Variants in RAD54L2 observed in about 807,000 individuals in gnomAD.
RAD54L2 encodes helicase ARIP4.
RAD54L2 carries 27 observed loss-of-function variants against 138.4 expected under a neutral mutation model. The observed-to-expected ratio is 0.20, with a 90% confidence interval of 0.14 to 0.27. RAD54L2 has a LOEUF of 0.27. RAD54L2 is among the 10% of genes least tolerant of loss of function. RAD54L2 has a pLI of 1.00. For missense variants in RAD54L2, 1,396 were observed against 1,890.2 expected, an observed-to-expected ratio of 0.74 and a Z score of 4.85; for synonymous variants, 644 against 723.2, an observed-to-expected ratio of 0.89 and a Z score of 1.76.
intron 2 of RAD54L2, among the ~76,000 whole-genome samples, chr3:51,566,814 G>A (rs1222680281): frequency 1.3e-5 from 2 of 152,054 alleles, no homozygotes; most frequent in African/African-American, 2.4e-5. Context: ...TGTATCATTT[G>A]CCTAGGACCA....
rs1414750310 is a variant in RAD54L2 at position 51,664,026 on chromosome 3, G to A, written c.*606G>A. ...GGGTGAAGGTGGGAGGGGAGGGAGGGAAGAACTAAGAGGGAAACTGAAAAA... is the reference window on the plus strand; with the variant it reads ...GGGTGAAGGTGGGAGGGGAGGGAGGAAAGAACTAAGAGGGAAACTGAAAAA... On this transcript the variant is annotated 3_prime_UTR_variant, in exon 23 of 23. Coordinates refer to ENST00000684192, the MANE Select transcript of RAD54L2 (RefSeq NM_015106.4). 6.7e-6 allele frequency: 1 copy of A among 149,022 alleles called. No individual in the cohort carries two copies. Among genetic ancestry groups the A allele is most frequent in the Non-Finnish European group, 1.5e-5 (1 of 67,070 alleles). 9.2% of individuals were successfully genotyped at this position (149,022 alleles called of 1,614,324 possible).
At position 51,656,052 on chromosome 3, in the gene RAD54L2, G is replaced by A. The variant is rs745616677; in HGVS notation, c.3108G>A (p.Arg1036=). 3 of 1,613,792 alleles carry A rather than the reference G, an allele frequency of 1.9e-6. No individual in the cohort carries two copies. Among genetic ancestry groups the A allele is most frequent in the Non-Finnish European group, 2.5e-6 (3 of 1,179,836 alleles). Residue 1036 remains arginine (R), a synonymous_variant, in exon 20 of 23, where the codon CGG becomes CGA. Coordinates refer to ENST00000684192, the MANE Select transcript of RAD54L2 (RefSeq NM_015106.4). ...VQSTPIPMMP[R]HVPLGGSVSS... The stretch of plus-strand genomic sequence containing the variant: ...CCACCCCCATCCCCATGATGCCCCG[G>A]CATGTCCCATTGGGAGGAAGTGTAA...
chr3:51,603,372 G>A (rs1178680544), intron 3 of RAD54L2, among the ~76,000 whole-genome samples: 2 of 152,076 alleles, frequency 1.3e-5, no homozygotes, highest in Admixed American at 6.6e-5. Context: ...TTGGGAGGCC[G>A]AGGCAGGTGG....
intron 2 of RAD54L2, among the ~76,000 whole-genome samples, chr3:51,577,500 A>G (rs1665335676): frequency 6.6e-6 from 1 of 152,120 alleles, no homozygotes; most frequent in Admixed American, 6.6e-5. Flanking sequence ...TTAGGTCTCT[A>G]AGGACTTGCT....
chr3:51,634,681 A>G (rs944923802), intron 9 of RAD54L2, among the ~76,000 whole-genome samples: 16 of 151,996 alleles, frequency 1.1e-4, no homozygotes, highest in Non-Finnish European at 1.9e-4. Flanking sequence ...CTACTGTCTA[A>G]TTTTTTACTT....
Position 51,630,761 on chromosome 3 carries a change from G to C in RAD54L2, c.655G>C (p.Glu219Gln). The C allele has an allele frequency of 6.2e-7, 1 of 1,614,022 alleles. No individual in the cohort carries two copies. ...EDTLHIVDSS[E>Q]SVSEDDEEEE... ...CACTCTGCACATTGTGGACAGCAGT[G>C]AATCTGTCAGTGAAGATGATGAGGA... Residue 219 changes from glutamate (E) to glutamine (Q), a missense_variant, in exon 7 of 23, where the codon GAA (glutamate) becomes CAA (glutamine). Physicochemically the swap from Glu to Gln is conservative, Grantham distance 29. Transcript: ENST00000684192.
At chr3:51,549,110 C>T (rs1326061129) in intron 2 of RAD54L2, among the ~76,000 whole-genome samples, 3 of 152,160 alleles carry the variant, frequency 2.0e-5, no homozygotes, top group Admixed American at 2.0e-4. Flanking sequence ...CTCCCTGCCT[C>T]AGCCTCCTGA....
chr3:51,569,531 C>T (rs534556515), intron 2 of RAD54L2, among the ~76,000 whole-genome samples: 2 of 152,032 alleles, frequency 1.3e-5, no homozygotes, highest in Admixed American at 6.6e-5. Flanking sequence ...TTACAGGTGT[C>T]CACCACCACG....
intron 5 of RAD54L2, 53 bp downstream of exon 5, chr3:51,629,526 T>C (rs1459070407): frequency 6.0e-5 from 96 of 1,594,098 alleles, no homozygotes; most frequent in Non-Finnish European, 6.8e-5. Context: ...GAAGAAGCCC[T>C]AGGTGCACAC....
At chr3:51,556,045 T>A (rs1241706411) in intron 2 of RAD54L2, among the ~76,000 whole-genome samples, 2 of 152,200 alleles carry the variant, frequency 1.3e-5, no homozygotes, top group Non-Finnish European at 2.9e-5. Flanking sequence ...TCCTGTTTCT[T>A]CTGTAACCTT....
intron 3 of RAD54L2, among the ~76,000 whole-genome samples, chr3:51,593,779 CT>C (rs758183263): frequency 1.3e-5 from 2 of 152,024 alleles, no homozygotes; most frequent in Non-Finnish European, 2.9e-5. Context: ...TGTTTGTTTT[CT>C]TTGTAATTTC....
At chr3:51,573,415 G>A (rs1699386878) in intron 2 of RAD54L2, among the ~76,000 whole-genome samples, 1 of 152,092 alleles carries the variant, frequency 6.6e-6, no homozygotes, top group African/African-American at 2.4e-5. Flanking sequence ...TAACTACAGA[G>A]AATAGTCAGT....
intron 2 of RAD54L2, among the ~76,000 whole-genome samples, chr3:51,570,139 ATTT>A (rs374562749): frequency 3.0e-5 from 3 of 100,974 alleles, no homozygotes; most frequent in Admixed American, 1.1e-4. Flanking sequence ...AGCCTTTTTA[ATTT>A]TTTTTTTTTT....
chr3:51,611,380 A>G (rs568348097), intron 3 of RAD54L2: 1 of 152,048 alleles, frequency 6.6e-6, no homozygotes, highest in Non-Finnish European at 1.5e-5. Context: ...TGGGGTATCC[A>G]TCTCGTCAAG....
At chr3:51,552,802 C>G (rs942969785) in intron 2 of RAD54L2, among the ~76,000 whole-genome samples, 5 of 152,012 alleles carry the variant, frequency 3.3e-5, no homozygotes, top group Admixed American at 3.3e-4. Context: ...TCAAACAGTC[C>G]TCCCCACTTG....
At chr3:51,656,320 T>C in intron 20 of RAD54L2, 150 bp downstream of exon 20, 1 of 714,040 alleles carries the variant, frequency 1.4e-6, no homozygotes, top group Non-Finnish European at 2.2e-6. Flanking sequence ...CAGTCCCTGG[T>C]CTTGAGGAAT....
At chr3:51,550,065 C>T (rs1698799794) in intron 2 of RAD54L2, among the ~76,000 whole-genome samples, 1 of 152,126 alleles carries the variant, frequency 6.6e-6, no homozygotes, top group African/African-American at 2.4e-5. Context: ...TTTCACTGCC[C>T]CTAGGGTGCC....
chr3:51,650,047 C>G (rs530239687), intron 19 of RAD54L2, among the ~76,000 whole-genome samples: 2 of 152,056 alleles, frequency 1.3e-5, no homozygotes. Flanking sequence ...ACCCATCTCA[C>G]GTGCAGAGAC....
chr3:51,580,773 G>T (rs1200845599), intron 2 of RAD54L2, among the ~76,000 whole-genome samples: 2 of 152,138 alleles, frequency 1.3e-5, no homozygotes, highest in African/African-American at 4.8e-5. Flanking sequence ...ATTGATTTTA[G>T]AACTGTGAGA....
Sources: gnomAD v4.1 joint callset for allele counts (sites outside exome capture counted in the v4.1 genomes callset) on GRCh38, gnomAD v4.1.1 for gene constraint, MANE v1.5 for transcripts, NCBI Gene and HGNC (gene_info 2026-07-23, HGNC 2026-07-21) for gene names.